The following BBX variants were observed in gnomAD, a reference collection of about 807,000 sequenced individuals.
The protein encoded by BBX is HMG box transcription factor BBX.
BBX carries 30 observed loss-of-function variants against 100.2 expected under a neutral mutation model. The observed-to-expected ratio is 0.30, with a 90% CI of 0.22 to 0.41. BBX has a LOEUF of 0.41. BBX is among the 10% of genes least tolerant of loss of function. The pLI, the probability that BBX is intolerant of heterozygous loss-of-function variation, is 1.00. For synonymous variants in BBX, 376 were observed against 388.1 expected (o/e 0.97, Z 0.37); for missense variants, 1,023 against 1,129.8 (o/e 0.91, Z 1.35).
chr3:107,594,231 T>G (rs2053527848), intron 2 of BBX, among the ~76,000 whole-genome samples: 1 of 152,194 alleles, frequency 6.6e-6, no homozygotes, highest in African/African-American at 2.4e-5. Flanking sequence ...CCCTGTCTAG[T>G]AGCTGATATT....
intron 7 of BBX, 41 bp downstream of exon 7, chr3:107,733,064 G>A (rs2063409649): frequency 3.2e-6 from 5 of 1,559,684 alleles, no homozygotes; most frequent in African/African-American, 2.7e-5. Context: ...CTCATACTGT[G>A]GGTTGGGAAC....
At chr3:107,673,389 TAATAA>T in intron 3 of BBX, among the ~76,000 whole-genome samples, 1 of 152,200 alleles carries the variant, frequency 6.6e-6, no homozygotes, top group East Asian at 1.9e-4. Context: ...CAACAATTTC[TAATAA>T]AATGGCCATT....
At chr3:107,588,088 C>CT (rs1348972092) in intron 2 of BBX, among the ~76,000 whole-genome samples, 1 of 152,064 alleles carries the variant, frequency 6.6e-6, no homozygotes, top group Non-Finnish European at 1.5e-5. Flanking sequence ...GGGTAGAAGT[C>CT]TTTTTTGTTT....
intron 10 of BBX, among the ~76,000 whole-genome samples, chr3:107,760,029 T>C (rs1002185450): frequency 6.6e-6 from 1 of 152,232 alleles, no homozygotes; most frequent in Non-Finnish European, 1.5e-5. Flanking sequence ...CTAATTTGAT[T>C]CTCACAACTA....
chr3:107,637,066 TA>T (rs1434352827), intron 2 of BBX, among the ~76,000 whole-genome samples: 3 of 152,204 alleles, frequency 2.0e-5, no homozygotes, highest in African/African-American at 7.2e-5. Context: ...ATTAACTTTT[TA>T]AAAAATAATA....
At chr3:107,642,321 TGTA>T (rs2057261826) in intron 2 of BBX, among the ~76,000 whole-genome samples, 1 of 152,198 alleles carries the variant, frequency 6.6e-6, no homozygotes, top group Non-Finnish European at 1.5e-5. Flanking sequence ...TTTATCAACA[TGTA>T]GTATATAAAA....
Position 107,683,123 on chromosome 3 carries a change from T to A in BBX, c.-9-27329T>A, listed in dbSNP as rs1202122163. Among the ~76,000 whole-genome samples, 7 of 152,246 alleles carry A rather than the reference T, an allele frequency of 4.6e-5. No homozygotes were observed. The East Asian group carries it at 1.4e-3, about 29-fold the overall frequency. ...GCATGTTTACTAGGCATAAACATAG[T>A]TGAACAGTTTCTTTTCTTTTTAATT... On this transcript the variant is annotated intron_variant, in intron 3 of 17. Transcript: ENST00000325805.
intron 3 of BBX, among the ~76,000 whole-genome samples, chr3:107,687,624 C>G (rs907820351): frequency 1.3e-5 from 2 of 152,118 alleles, no homozygotes; most frequent in Admixed American, 6.6e-5. Context: ...ACCGGCCTGA[C>G]ATTGGATCTA....
At chr3:107,697,378 T>C (rs1333734504) in intron 3 of BBX, among the ~76,000 whole-genome samples, 1 of 151,830 alleles carries the variant, frequency 6.6e-6, no homozygotes, top group African/African-American at 2.4e-5. Context: ...GGGTTTTTGG[T>C]GTGGATGTCC....
At chr3:107,670,200 T>C (rs2058950069) in intron 3 of BBX, among the ~76,000 whole-genome samples, 1 of 152,160 alleles carries the variant, frequency 6.6e-6, no homozygotes, top group Admixed American at 6.5e-5. Flanking sequence ...TTTATTAATG[T>C]ATCAACTTAA....
chr3:107,736,422 C>CTT (rs1218214489), intron 7 of BBX, among the ~76,000 whole-genome samples: 1 of 146,156 alleles, frequency 6.8e-6, no homozygotes, highest in Non-Finnish European at 1.5e-5. Flanking sequence ...TGAATATCAC[C>CTT]TTTTTTTTTT....
rs2107791921 is a variant in BBX, at chr3:107,773,425, A to G, written c.1704A>G (p.Thr568=). 1 of 1,614,112 alleles carries G rather than the reference A, an allele frequency of 6.2e-7. No homozygotes were observed. The highest frequency in any genetic ancestry group is 8.5e-7 in the Non-Finnish European group (1 of 1,179,992). Residue 568 remains threonine, a synonymous_variant, in exon 11 of 18, where the codon ACA becomes ACG. Coordinates refer to ENST00000325805, the MANE Select transcript of BBX (RefSeq NM_001142568.3). The surrounding 1 kb of genome is among the most constrained non-coding windows in gnomAD (Gnocchi z 4.1). ...CTAGCAAGAACATTTCTGGTGAGAC[A>G]CCAGAGGGTATAAAAGCAGAACCAT... ...ISASKNISGE[T]PEGIKAEPLT...
At chr3:107,610,464 G>C (rs981370692) in intron 2 of BBX, among the ~76,000 whole-genome samples, 1 of 151,902 alleles carries the variant, frequency 6.6e-6, no homozygotes, top group Admixed American at 6.6e-5. Context: ...AGCTCTTATT[G>C]GGGTCTCTCT....
intron 2 of BBX, among the ~76,000 whole-genome samples, chr3:107,640,261 G>A (rs2057108478): frequency 6.6e-6 from 1 of 152,066 alleles, no homozygotes; most frequent in Admixed American, 6.6e-5. Flanking sequence ...AGAGAAAAAA[G>A]AGCAAATCAC....
intron 3 of BBX, among the ~76,000 whole-genome samples, chr3:107,699,858 TAGTG>T (rs1473505559): frequency 6.6e-6 from 1 of 151,906 alleles, no homozygotes; most frequent in Non-Finnish European, 1.5e-5. Context: ...ATGTGAGTCA[TAGTG>T]AGGTAGAGAA....
In BBX at chr3:107,667,716, A is replaced by C. The variant is rs893671335; in HGVS notation, c.-10+21807A>C. On this transcript the variant is annotated intron_variant, in intron 3 of 17. Coordinates refer to ENST00000325805, the MANE Select transcript of BBX (RefSeq NM_001142568.3). Reference sequence around the variant, plus strand: ...TCTATTATACAGTAAAGTTGGTAATAAATATAAAAGTAACTCAGCATTGAG... The same window carrying C: ...TCTATTATACAGTAAAGTTGGTAATCAATATAAAAGTAACTCAGCATTGAG... Among the ~76,000 whole-genome samples, 3 of 152,000 alleles carry C rather than the reference A, an allele frequency of 2.0e-5. No homozygotes were observed. The East Asian group carries it at 5.8e-4, about 29-fold the overall frequency.
intron 2 of BBX, among the ~76,000 whole-genome samples, chr3:107,601,683 A>G (rs373323895): frequency 1.2e-4 from 18 of 152,392 alleles, no homozygotes; most frequent in African/African-American, 4.3e-4. Context: ...GTTTAAGGAA[A>G]GAAGCTGTCT....
Position 107,619,462 on chromosome 3 carries a change from T to C in BBX, c.-83-26374T>C, listed in dbSNP as rs1050303302. 2.0e-5 allele frequency among the ~76,000 whole-genome samples: 3 copies of C among 152,278 alleles called. No individual in the cohort carries two copies. In the East Asian group the frequency reaches 5.8e-4, roughly 29 times the overall value. ...CCACAGCAGATAGTATTCTAATTTG[T>C]TTCAGTCATCAAACATAACTGTAAA... On this transcript the variant is annotated intron_variant, in intron 2 of 17. Transcript: ENST00000325805.
chr3:107,777,310 CCATT>C (rs2067402660), intron 12 of BBX, among the ~76,000 whole-genome samples: 1 of 152,140 alleles, frequency 6.6e-6, no homozygotes, highest in Admixed American at 6.6e-5. Flanking sequence ...TTCCTGTTGA[CCATT>C]CAGTTGGTCA....
Sources: allele counts gnomAD v4.1 joint callset (sites outside exome capture counted in the v4.1 genomes callset), GRCh38; gene constraint gnomAD v4.1.1; non-coding constraint Gnocchi (gnomAD v3.1); transcripts MANE v1.5; gene names NCBI Gene and HGNC (gene_info 2026-07-23, HGNC 2026-07-21).